FAM222B: variants seen among roughly 807,000 people sequenced by gnomAD.
FAM222B encodes family with sequence similarity 222 member B.
A neutral mutation model predicts 38.0 loss-of-function variants in FAM222B; 12 were observed. The ratio of observed to expected loss-of-function variants is 0.32; its 90% CI spans 0.20 to 0.51. FAM222B has a LOEUF of 0.51. FAM222B is among the 20% of genes least tolerant of loss of function. The pLI is 0.97. For missense variants in FAM222B, 716 were observed against 754.2 expected, an observed-to-expected ratio of 0.95 and a Z score of 0.59; for synonymous variants, 329 against 317.2, an observed-to-expected ratio of 1.04 and a Z score of -0.40.
At chr17:28,808,484 T>C (rs988954519) in intron 1 of FAM222B, among the ~76,000 whole-genome samples, 2 of 152,192 alleles carry the variant, frequency 1.3e-5, no homozygotes, top group African/African-American at 4.8e-5. Context: ...GTTAAACTGA[T>C]TGAGAGAAAA....
intron 2 of FAM222B, among the ~76,000 whole-genome samples, chr17:28,763,065 GACTT>G (rs1209105543): frequency 1.3e-5 from 2 of 152,092 alleles, no homozygotes; most frequent in African/African-American, 2.4e-5. Flanking sequence ...CTTTGTAAGC[GACTT>G]ACTTAAATAG....
intron 1 of FAM222B, among the ~76,000 whole-genome samples, chr17:28,804,121 G>C (rs1440848241): frequency 6.6e-6 from 1 of 152,152 alleles, no homozygotes; most frequent in Non-Finnish European, 1.5e-5. Flanking sequence ...GTCTCTTCGG[G>C]AACCAGGACA....
intron 1 of FAM222B, among the ~76,000 whole-genome samples, chr17:28,788,103 C>T (rs997915496): frequency 1.3e-5 from 2 of 152,078 alleles, no homozygotes; most frequent in African/African-American, 2.4e-5. Flanking sequence ...GGATTACAGG[C>T]GTGAGCCACC....
chr17:28,790,885 T>A (rs6505094), intron 1 of FAM222B, among the ~76,000 whole-genome samples: 2,088 of 3,850 alleles, frequency 0.54, 588 homozygotes, highest in African/African-American at 0.66. Context: ...ATTGTTTCAC[T>A]TTTTTTTTTT....
chr17:28,786,974 G>A (rs1477549418), intron 1 of FAM222B, among the ~76,000 whole-genome samples: 4 of 143,758 alleles, frequency 2.8e-5, no homozygotes, highest in Non-Finnish European at 4.5e-5. Context: ...GCGCGATCTC[G>A]AGTGCAGTGG....
Position 28,788,706 on chromosome 17 carries a change from C to T in FAM222B, c.-40-21999G>A, listed in dbSNP as rs570024171. Among the ~76,000 whole-genome samples, 6 of 152,132 alleles carry T rather than the reference C, an allele frequency of 3.9e-5. No individual in the cohort carries two copies. In the South Asian group the frequency reaches 1.2e-3, roughly 32 times the overall value. On this transcript the variant is annotated intron_variant, in intron 1 of 2. Transcript: ENST00000581407. ...AAATATACATGTAACTCTAAAGATG[C>T]CCAAATAATTGTAATTTGCCCTCCC...
chr17:28,761,373 G>A (rs1037500540), intron 2 of FAM222B, among the ~76,000 whole-genome samples: 2 of 152,208 alleles, frequency 1.3e-5, no homozygotes, highest in African/African-American at 4.8e-5. Flanking sequence ...TACACAGACT[G>A]CCCAAAGCAG....
chr17:28,761,321 G>A (rs779764153), intron 2 of FAM222B, among the ~76,000 whole-genome samples: 1 of 152,206 alleles, frequency 6.6e-6, no homozygotes, highest in Non-Finnish European at 1.5e-5. Context: ...GGTCTCCCCT[G>A]AGTATACACA....
intron 2 of FAM222B, among the ~76,000 whole-genome samples, chr17:28,764,555 C>A (rs2035240426): frequency 6.6e-6 from 1 of 151,970 alleles, no homozygotes; most frequent in Admixed American, 6.6e-5. Context: ...TCGAGACCAG[C>A]CTGACCAACA....
At chr17:28,820,138 G>C (rs2038159762) in intron 1 of FAM222B, among the ~76,000 whole-genome samples, 1 of 152,184 alleles carries the variant, frequency 6.6e-6, no homozygotes, top group Non-Finnish European at 1.5e-5. Context: ...CAGGTGAGGT[G>C]TCAGGGTAAA....
intron 1 of FAM222B, among the ~76,000 whole-genome samples, chr17:28,781,928 A>G (rs2036183515): frequency 6.6e-6 from 1 of 152,198 alleles, no homozygotes; most frequent in Non-Finnish European, 1.5e-5. Context: ...CAAGAGATCT[A>G]CTGTACAACA....
At chr17:28,837,908 C>T (rs1330993773) in intron 1 of FAM222B, among the ~76,000 whole-genome samples, 2 of 152,246 alleles carry the variant, frequency 1.3e-5, no homozygotes, top group East Asian at 3.9e-4. Context: ...CCACCTCGGC[C>T]TCCCAAAGTG....
chr17:28,839,865 A>G (rs1048493169), intron 1 of FAM222B, among the ~76,000 whole-genome samples: 2 of 151,996 alleles, frequency 1.3e-5, no homozygotes, highest in African/African-American at 4.8e-5. Context: ...GAGAAGTTAA[A>G]AACAACCAGG....
intron 2 of FAM222B, among the ~76,000 whole-genome samples, chr17:28,763,279 G>A (rs1402075809): frequency 2.0e-5 from 3 of 152,160 alleles, no homozygotes; most frequent in Non-Finnish European, 4.4e-5. Context: ...GAGAGTCAAT[G>A]AACATTTTCA....
chr17:28,793,226 A>G (rs988807631), intron 1 of FAM222B, among the ~76,000 whole-genome samples: 4 of 152,056 alleles, frequency 2.6e-5, no homozygotes, highest in Non-Finnish European at 5.9e-5. Context: ...GTGAGCCACC[A>G]TGCCCACCCC....
intron 1 of FAM222B, among the ~76,000 whole-genome samples, chr17:28,824,484 G>T (rs879639413): frequency 6.6e-5 from 10 of 151,856 alleles, no homozygotes; most frequent in Admixed American, 5.3e-4. Flanking sequence ...CACTGTCCAA[G>T]AATTTTTGAC....
chr17:28,847,749 C>G (rs1335216778), upstream of FAM222B, among the ~76,000 whole-genome samples: 1 of 151,676 alleles, frequency 6.6e-6, no homozygotes, highest in African/African-American at 2.4e-5. Flanking sequence ...CCCGTCTCTA[C>G]TAAAAATACA....
chr17:28,773,686 T>C (rs1418023926), intron 1 of FAM222B, among the ~76,000 whole-genome samples: 1 of 151,692 alleles, frequency 6.6e-6, no homozygotes, highest in Non-Finnish European at 1.5e-5. Context: ...TAATCCCAGC[T>C]ACTCGAGAGG....
At chr17:28,809,368 A>AAAG (rs1555581613) in intron 1 of FAM222B, among the ~76,000 whole-genome samples, 1 of 151,226 alleles carries the variant, frequency 6.6e-6, no homozygotes, top group Non-Finnish European at 1.5e-5. Flanking sequence ...AAAAAAAAAA[A>AAAG]AGAGAGAGAG....
Sources: gnomAD v4.1 joint callset for allele counts (sites outside exome capture counted in the v4.1 genomes callset) on GRCh38, gnomAD v4.1.1 for gene constraint, MANE v1.5 for transcripts, NCBI Gene and HGNC (gene_info 2026-07-23, HGNC 2026-07-21) for gene names.